The following CNTNAP2 variants were observed in gnomAD, a reference collection of about 807,000 sequenced individuals.
The protein encoded by CNTNAP2 is contactin associated protein 2, also known as contactin-associated protein-like 2.
Under a neutral mutation model 155.2 loss-of-function variants are expected in CNTNAP2, and 98 were observed. That is an observed-to-expected ratio of 0.63 (90% CI 0.54 to 0.75). CNTNAP2 has a LOEUF of 0.75. Among genes scored for constraint, CNTNAP2 ranks in the 30% least tolerant of loss-of-function variants. The pLI is 0.00. For synonymous variants in CNTNAP2, 651 were observed against 631.2 expected, an observed-to-expected ratio of 1.03 and a Z score of -0.47; for missense variants, 1,727 against 1,688.1, an observed-to-expected ratio of 1.02 and a Z score of -0.40.
intron 5 of CNTNAP2, among the ~76,000 whole-genome samples, chr7:147,120,101 T>G (rs1349779057): frequency 1.3e-5 from 2 of 152,220 alleles, no homozygotes. Flanking sequence ...AGATAACAAG[T>G]AAATTTTCTA....
chr7:146,934,605 A>T (rs1055350358), intron 3 of CNTNAP2, among the ~76,000 whole-genome samples: 19 of 151,778 alleles, frequency 1.3e-4, no homozygotes, highest in South Asian at 6.3e-4. Flanking sequence ...TAATAAAATT[A>T]AAAAAAATTG....
intron 8 of CNTNAP2, among the ~76,000 whole-genome samples, chr7:147,257,084 A>G: frequency 6.6e-6 from 1 of 152,368 alleles, no homozygotes; most frequent in Non-Finnish European, 1.5e-5. Flanking sequence ...TTGGGCATCA[A>G]GAGAATGAAA....
intron 11 of CNTNAP2, among the ~76,000 whole-genome samples, chr7:147,559,766 A>G (rs577764617): frequency 2.6e-5 from 4 of 152,218 alleles, no homozygotes; most frequent in East Asian, 3.9e-4. Context: ...AAAATTAACA[A>G]AACAGTTTTA....
At chr7:147,696,922 T>G (rs1169137490) in intron 13 of CNTNAP2, among the ~76,000 whole-genome samples, 2 of 152,310 alleles carry the variant, frequency 1.3e-5, no homozygotes, top group African/African-American at 4.8e-5. Flanking sequence ...ATTTCAAAAT[T>G]TTTTCTTTAT....
rs886087496 is a variant in CNTNAP2, at chr7:148,228,239, T to C, written c.3248-1407T>C. On this transcript the variant is annotated intron_variant, in intron 19 of 23. Coordinates refer to ENST00000361727, the MANE Select transcript of CNTNAP2 (RefSeq NM_014141.6). ...AGTAACAAATGAGATAAAATATTGATGTCTTTAAAACTCATAACTAAGATA... is the reference window on the plus strand; with the variant it reads ...AGTAACAAATGAGATAAAATATTGACGTCTTTAAAACTCATAACTAAGATA... Among the ~76,000 whole-genome samples the C allele has an allele frequency of 3.3e-5, 5 of 152,152 alleles. No individual in the cohort carries two copies. In the South Asian group the frequency reaches 6.2e-4, roughly 19 times the overall value.
intron 21 of CNTNAP2, among the ~76,000 whole-genome samples, chr7:148,379,944 G>C (rs891923444): frequency 6.6e-6 from 1 of 152,186 alleles, no homozygotes; most frequent in African/African-American, 2.4e-5. Context: ...GCATGCTAAT[G>C]CATCGCAAAT....
intron 1 of CNTNAP2, among the ~76,000 whole-genome samples, chr7:146,211,940 T>C (rs1270070511): frequency 6.6e-6 from 1 of 152,104 alleles, no homozygotes; most frequent in Non-Finnish European, 1.5e-5. Context: ...ATAATAATAA[T>C]TCATCCATAG....
intron 1 of CNTNAP2, among the ~76,000 whole-genome samples, chr7:146,605,528 T>C (rs1253668154): frequency 7.0e-6 from 1 of 143,800 alleles, no homozygotes; most frequent in Non-Finnish European, 1.5e-5. Context: ...GTTATGTCAC[T>C]AATGAACTAC....
At chr7:146,775,783 T>G (rs1259565081) in intron 2 of CNTNAP2, among the ~76,000 whole-genome samples, 1 of 152,056 alleles carries the variant, frequency 6.6e-6, no homozygotes, top group Non-Finnish European at 1.5e-5. Flanking sequence ...GCTAGCCTAG[T>G]GTATACAGAA....
intron 1 of CNTNAP2, among the ~76,000 whole-genome samples, chr7:146,214,274 A>G (rs927124569): frequency 1.3e-5 from 2 of 152,188 alleles, no homozygotes; most frequent in Admixed American, 6.5e-5. Context: ...TTTGCAAAGT[A>G]TGTGCTTAAA....
At chr7:147,888,913 A>G (rs1465380698) in intron 13 of CNTNAP2, among the ~76,000 whole-genome samples, 1 of 152,124 alleles carries the variant, frequency 6.6e-6, no homozygotes, top group Non-Finnish European at 1.5e-5. Flanking sequence ...GTAAAATGTC[A>G]GTAAATCTAT....
At chr7:146,166,380 A>G (rs1016305767) in intron 1 of CNTNAP2, among the ~76,000 whole-genome samples, 1 of 152,136 alleles carries the variant, frequency 6.6e-6, no homozygotes, top group Non-Finnish European at 1.5e-5. Context: ...GGCGTGAGCC[A>G]CCACACCTGG....
At chr7:147,953,474 C>G (rs771778347) in intron 14 of CNTNAP2, among the ~76,000 whole-genome samples, 13 of 152,138 alleles carry the variant, frequency 8.5e-5, no homozygotes, top group Non-Finnish European at 1.6e-4. Flanking sequence ...CCATGGCACA[C>G]GTTCACCTAT....
rs922871668 is a variant in CNTNAP2, at chr7:147,512,026, G to A, written c.1777+25985G>A. On this transcript the variant is annotated intron_variant, in intron 11 of 23. Transcript: ENST00000361727. ...CTTGACCAAAGCATAATAGTAGACAGCATTACCTTGGAAGAGTCTTAGTAA... is the reference window on the plus strand; with the variant it reads ...CTTGACCAAAGCATAATAGTAGACAACATTACCTTGGAAGAGTCTTAGTAA... Among the ~76,000 whole-genome samples, 8 of 152,178 alleles carry A rather than the reference G, an allele frequency of 5.3e-5. No individual in the cohort carries two copies. In the East Asian group the frequency reaches 1.5e-3, roughly 29 times the overall value.
intron 12 of CNTNAP2, among the ~76,000 whole-genome samples, chr7:147,572,240 G>A (rs1800308845): frequency 1.3e-5 from 2 of 152,044 alleles, no homozygotes; most frequent in East Asian, 3.9e-4. Flanking sequence ...TCTTCATTGT[G>A]TGTCAGCCAT....
chr7:146,117,920 A>T (rs546647871), intron 1 of CNTNAP2, among the ~76,000 whole-genome samples: 2 of 152,352 alleles, frequency 1.3e-5, no homozygotes, highest in South Asian at 4.1e-4. Context: ...CTAGTTTCTG[A>T]GAATGAGTAA....
intron 3 of CNTNAP2, among the ~76,000 whole-genome samples, chr7:146,891,611 GT>G (rs1326560519): frequency 6.6e-6 from 1 of 151,996 alleles, no homozygotes; most frequent in South Asian, 2.1e-4. Context: ...AACAGTTTTT[GT>G]TCTTATTTTC....
intron 1 of CNTNAP2, among the ~76,000 whole-genome samples, chr7:146,361,706 T>C (rs1490976776): frequency 6.6e-6 from 1 of 152,194 alleles, no homozygotes; most frequent in Non-Finnish European, 1.5e-5. Context: ...AGTGGGAAAT[T>C]AGATTTCATC....
At chr7:148,222,769 A>G (rs906781484) in intron 19 of CNTNAP2, among the ~76,000 whole-genome samples, 1 of 152,198 alleles carries the variant, frequency 6.6e-6, no homozygotes, top group Non-Finnish European at 1.5e-5. Flanking sequence ...GCCCCACTCC[A>G]GCAAAACCAG....
Sources: allele counts gnomAD v4.1 joint callset (sites outside exome capture counted in the v4.1 genomes callset), GRCh38; gene constraint gnomAD v4.1.1; transcripts MANE v1.5; gene names NCBI Gene and HGNC (gene_info 2026-07-23, HGNC 2026-07-21).